Variants in COL21A1 observed in about 807,000 individuals in gnomAD.
The protein encoded by COL21A1 is collagen type XXI alpha 1 chain.
In COL21A1, 149 loss-of-function variants were observed where a neutral mutation model predicts 137.9. The observed-to-expected ratio is 1.08, with a 90% CI of 0.95 to 1.24. The LOEUF (loss-of-function observed/expected upper bound fraction) is 1.24. COL21A1 is among the 50% of genes most tolerant of loss of function. COL21A1 has a pLI of 0.00. For synonymous variants in COL21A1, 456 were observed against 391.5 expected, an observed-to-expected ratio of 1.16 and a Z score of -1.95; for missense variants, 1,167 against 1,158.4, an observed-to-expected ratio of 1.01 and a Z score of -0.11.
At chr6:56,291,932 C>T (rs1315956399) in intron 1 of COL21A1, among the ~76,000 whole-genome samples, 1 of 152,108 alleles carries the variant, frequency 6.6e-6, no homozygotes, top group Non-Finnish European at 1.5e-5. Context: ...CTTTGGGAGG[C>T]CAAGGTGGGC....
intron 1 of COL21A1, among the ~76,000 whole-genome samples, chr6:56,241,353 T>A (rs1313000652): frequency 6.6e-6 from 1 of 152,176 alleles, no homozygotes; most frequent in Non-Finnish European, 1.5e-5. Context: ...GAGCTTGGAC[T>A]CTCTAGCCTC....
At position 56,124,053 on chromosome 6, in the gene COL21A1, T is replaced by C. The variant is rs764462940; in HGVS notation, c.1758+9A>G. On this transcript the variant is annotated intron_variant, in intron 16 of 29. Transcript: ENST00000244728. ...TTTGTTTTGTCCTTTTTTTTTTTTT[T>C]ATAAATACCTTGAAACCGGGACTAC... 4 of 1,487,840 alleles carry C rather than the reference T, an allele frequency of 2.7e-6. No homozygotes were observed. In the East Asian group the frequency reaches 1.0e-4, roughly 37 times the overall value. 92.2% of individuals were successfully genotyped at this position (1,487,840 alleles called of 1,614,324 possible). A position where few individuals can be genotyped will look rare whatever the true frequency, so the allele number is the denominator to read the frequency against.
intron 1 of COL21A1, among the ~76,000 whole-genome samples, chr6:56,233,646 T>C (rs9475641): frequency 0.57 from 85,756 of 150,918 alleles, 24,540 homozygotes; most frequent in East Asian, 0.77. Flanking sequence ...TGGAGAAATA[T>C]AGGAGAGAAA....
At chr6:56,162,681 G>C (rs1055210215) in intron 9 of COL21A1, among the ~76,000 whole-genome samples, 1 of 152,118 alleles carries the variant, frequency 6.6e-6, no homozygotes, top group Non-Finnish European at 1.5e-5. Context: ...GACAGCATGG[G>C]TCTCTAATTT....
intron 16 of COL21A1, among the ~76,000 whole-genome samples, chr6:56,107,374 A>C (rs1771042422): frequency 6.6e-6 from 1 of 151,870 alleles, no homozygotes; most frequent in Non-Finnish European, 1.5e-5. Context: ...GATACAAACC[A>C]AAAAAAAGTA....
At chr6:56,062,567 G>T (rs555063794) in intron 24 of COL21A1, among the ~76,000 whole-genome samples, 6 of 152,104 alleles carry the variant, frequency 3.9e-5, no homozygotes, top group Non-Finnish European at 8.8e-5. Context: ...AATTTAATAT[G>T]AAATTTAATG....
intron 16 of COL21A1, among the ~76,000 whole-genome samples, chr6:56,107,052 G>A (rs1243442646): frequency 6.6e-6 from 1 of 152,176 alleles, no homozygotes; most frequent in Non-Finnish European, 1.5e-5. Flanking sequence ...CTCCGAAAGT[G>A]CTGGGATTAC....
chr6:56,360,037 ATGAC>A (rs1285966126), intron 1 of COL21A1, among the ~76,000 whole-genome samples: 1 of 152,230 alleles, frequency 6.6e-6, no homozygotes, highest in African/African-American at 2.4e-5. Flanking sequence ...CCTAAAAAGA[ATGAC>A]AGAGAGAGGT....
intron 10 of COL21A1, among the ~76,000 whole-genome samples, chr6:56,142,331 G>A (rs1026735598): frequency 1.3e-5 from 2 of 152,132 alleles, no homozygotes; most frequent in African/African-American, 4.8e-5. Flanking sequence ...CAAGAGATTG[G>A]AGGATTAAAC....
chr6:56,388,122 A>C (rs1264500801), intron 1 of COL21A1, among the ~76,000 whole-genome samples: 2 of 152,212 alleles, frequency 1.3e-5, no homozygotes, highest in African/African-American at 2.4e-5. Flanking sequence ...CCTGATTGCA[A>C]GCCTTAATTC....
intron 1 of COL21A1, among the ~76,000 whole-genome samples, chr6:56,297,129 T>A (rs1202410312): frequency 6.6e-6 from 1 of 152,072 alleles, no homozygotes; most frequent in Non-Finnish European, 1.5e-5. Context: ...TTTTAATTTT[T>A]AAAGGAGGGG....
In COL21A1 at chr6:56,166,928, G is replaced by A. The variant is rs775818530; in HGVS notation, c.1256C>T (p.Thr419Ile). ...TACAAATCCAGGAATCTCACATGCT[G>A]TCTCCCGGTTGTTCTGTTCTGGGTC... ...YCDPEQNNRE[T>I]ACEIPGFNGE... Residue 419 changes from threonine to isoleucine, a missense_variant, in exon 7 of 30, where the codon ACA (threonine) becomes ATA (isoleucine). Thr to Ile is a moderately conservative substitution (Grantham distance 89). Coordinates refer to ENST00000244728, the MANE Select transcript of COL21A1 (RefSeq NM_030820.4). 1.2e-6 allele frequency: 2 copies of A among 1,612,724 alleles called. No homozygotes were observed. Among genetic ancestry groups the A allele is most frequent in the Non-Finnish European group, 1.7e-6 (2 of 1,179,364 alleles).
chr6:56,277,075 C>A (rs1763683082), intron 1 of COL21A1, among the ~76,000 whole-genome samples: 1 of 152,034 alleles, frequency 6.6e-6, no homozygotes, highest in South Asian at 2.1e-4. Flanking sequence ...CCGCCTCGAC[C>A]TCCCAAAGTG....
chr6:56,231,801 C>T (rs2152318530), intron 1 of COL21A1, among the ~76,000 whole-genome samples: 1 of 151,590 alleles, frequency 6.6e-6, no homozygotes, highest in East Asian at 1.9e-4. Context: ...TTAAAGAGCT[C>T]CAAAGACATA....
At chr6:56,377,305 A>G (rs1203066398) in intron 1 of COL21A1, among the ~76,000 whole-genome samples, 3 of 151,946 alleles carry the variant, frequency 2.0e-5, no homozygotes, top group Admixed American at 2.0e-4. Flanking sequence ...AACAGTCTTA[A>G]ATCACAGATG....
chr6:56,128,694 G>T (rs12201514), intron 12 of COL21A1, among the ~76,000 whole-genome samples: 1 of 151,964 alleles, frequency 6.6e-6, no homozygotes, highest in Non-Finnish European at 1.5e-5. Context: ...TCGCTCTTTC[G>T]CCCAGGCTGG....
chr6:56,167,638 T>A (rs1348946263), intron 6 of COL21A1, among the ~76,000 whole-genome samples: 1 of 152,074 alleles, frequency 6.6e-6, no homozygotes. Context: ...TTTAAGGAGG[T>A]ATCAAAAAGT....
At chr6:56,101,583 A>G in intron 16 of COL21A1, 58 bp from the exon 17 acceptor site, 1 of 1,193,232 alleles carries the variant, frequency 8.4e-7, no homozygotes, top group Non-Finnish European at 1.2e-6. Context: ...TGCTTACCAA[A>G]ATAACAATAT....
chr6:56,083,273 G>A (rs1041858675), intron 17 of COL21A1, among the ~76,000 whole-genome samples: 1 of 151,850 alleles, frequency 6.6e-6, no homozygotes, highest in Non-Finnish European at 1.5e-5. Flanking sequence ...TTTTCTTACT[G>A]GCTGTAAACT....
Sources: gnomAD v4.1 joint callset for allele counts (sites outside exome capture counted in the v4.1 genomes callset) on GRCh38, gnomAD v4.1.1 for gene constraint, MANE v1.5 for transcripts, NCBI Gene and HGNC (gene_info 2026-07-23, HGNC 2026-07-21) for gene names.